AIM2: variants seen among roughly 807,000 people sequenced by gnomAD.
The protein encoded by AIM2 is interferon-inducible protein AIM2.
Under a neutral mutation model 27.7 loss-of-function variants are expected in AIM2, and 30 were observed. That is an observed-to-expected ratio of 1.08 (90% CI 0.81 to 1.47). The LOEUF is 1.47. Among genes scored for constraint, AIM2 ranks in the 40% most tolerant of loss-of-function variants. The pLI is 0.00. For missense variants in AIM2, 358 were observed against 411.3 expected (o/e 0.87, Z 1.12); for synonymous variants, 141 against 145.3 (o/e 0.97, Z 0.21).
chr1:159,064,554 G>A (rs1655993463), intron 4 of AIM2, among the ~76,000 whole-genome samples: 2 of 151,870 alleles, frequency 1.3e-5, no homozygotes, highest in African/African-American at 4.8e-5. Flanking sequence ...AACCTCCAAC[G>A]CCCTGGGTTC....
rs145118203 is a variant in AIM2 at position 159,064,233 on chromosome 1, A to G, written c.817-559T>C. On this transcript the variant is annotated intron_variant, in intron 4 of 5. Coordinates refer to ENST00000368130, the MANE Select transcript of AIM2 (RefSeq NM_004833.3). ...TTTCTGCTTTGAAACTAGCAGGTAT[A>G]TATCTAATAGATGTTAGCAAGTTCA... Among the ~76,000 whole-genome samples, 1,123 of 152,236 alleles carry G rather than the reference A, an allele frequency of 7.4e-3. 15 individuals carry two copies. Among genetic ancestry groups the G allele is most frequent in the African/African-American group, 0.026 (1,065 of 41,556 alleles).
rs145325521 is a variant in AIM2, at chr1:159,103,226, C to T, written c.-15-36897G>A. Among the ~76,000 whole-genome samples, 374 of 152,288 alleles carry T rather than the reference C, an allele frequency of 2.5e-3. 3 individuals carry two copies. Among genetic ancestry groups the T allele is most frequent in the African/African-American group, 8.5e-3 (354 of 41,556 alleles). On this transcript the variant is annotated intron_variant, in intron 1 of 2. Transcript: ENST00000368129. Reference sequence around the variant, plus strand: ...TGTCTCCTGACACCCTGTGAAGAAACGCCTCCACCATGATTGTAAGTTTTC... The same window carrying T: ...TGTCTCCTGACACCCTGTGAAGAAATGCCTCCACCATGATTGTAAGTTTTC...
At chr1:159,064,520 G>A (rs553462567) in intron 4 of AIM2, among the ~76,000 whole-genome samples, 1 of 152,172 alleles carries the variant, frequency 6.6e-6, no homozygotes, top group East Asian at 1.9e-4. Context: ...GCTGGAGTGC[G>A]ATGGCGCAAT....
At chr1:159,084,532 G>A (rs1396591186) in intron 1 of AIM2, among the ~76,000 whole-genome samples, 1 of 152,112 alleles carries the variant, frequency 6.6e-6, no homozygotes, top group Non-Finnish European at 1.5e-5. Flanking sequence ...AGCACTTTGG[G>A]AGGCCAAGGC....
At chr1:159,137,315 C>A (rs1440749482) in intron 1 of AIM2, among the ~76,000 whole-genome samples, 1 of 152,160 alleles carries the variant, frequency 6.6e-6, no homozygotes, top group Non-Finnish European at 1.5e-5. Flanking sequence ...GCATCTCTCA[C>A]AAAGAGGAAT....
At position 159,138,168 on chromosome 1, in the gene AIM2, G is replaced by C. The variant is rs74845364; in HGVS notation, c.-16+2263C>G. Among the ~76,000 whole-genome samples, 41 of 152,320 alleles carry C rather than the reference G, an allele frequency of 2.7e-4. No homozygotes were observed. The East Asian group carries it at 7.5e-3, about 28-fold the overall frequency. On this transcript the variant is annotated intron_variant, in intron 1 of 2. Transcript: ENST00000368129. ...AAGAAATAATGGACCTAACAAGGCA[G>C]AGTTGGATGTCATAGGGTTGAGAAC...
At chr1:159,124,325 T>C (rs1190453006) in intron 1 of AIM2, among the ~76,000 whole-genome samples, 1 of 152,248 alleles carries the variant, frequency 6.6e-6, no homozygotes, top group African/African-American at 2.4e-5. Context: ...AAAATGTTTT[T>C]TACATTCTCA....
At chr1:159,089,771 G>A (rs1258451066) in intron 1 of AIM2, among the ~76,000 whole-genome samples, 2 of 152,268 alleles carry the variant, frequency 1.3e-5, no homozygotes, top group African/African-American at 4.8e-5. Flanking sequence ...TTCCTACGAC[G>A]AAGTTATTCT....
rs1656093115 is a variant in AIM2, at chr1:159,066,328, G to T, written c.398C>A (p.Pro133His). Residue 133 changes from proline to histidine, a missense_variant and splice_region_variant, in exon 4 of 6, where the codon CCT becomes CAT. By Grantham distance (77) the Pro-to-His change is moderately conservative. Coordinates refer to ENST00000368130, the MANE Select transcript of AIM2 (RefSeq NM_004833.3). ...CTGGGCCACCATCTGTTTCTGTTCAGGCTGAAGACAAGAGAAGAAAGATAT... is the reference window on the plus strand; with the variant it reads ...CTGGGCCACCATCTGTTTCTGTTCATGCTGAAGACAAGAGAAGAAAGATAT... ...AAPKVSPHVK[P>H]EQKQMVAQQE... 1.9e-6 allele frequency: 3 copies of T among 1,604,416 alleles called. No homozygotes were observed. The African/African-American group carries it at 4.0e-5, about 22-fold the overall frequency.
At chr1:159,114,909 G>T (rs997905777) in intron 1 of AIM2, among the ~76,000 whole-genome samples, 4 of 152,192 alleles carry the variant, frequency 2.6e-5, no homozygotes, top group Admixed American at 6.5e-5. Context: ...GTTTGCAGAT[G>T]ACATGATTGT....
chr1:159,093,109 T>A (rs1001472531), intron 1 of AIM2, among the ~76,000 whole-genome samples: 1 of 152,042 alleles, frequency 6.6e-6, no homozygotes, highest in Non-Finnish European at 1.5e-5. Flanking sequence ...GCTGAAATCT[T>A]AACCCCATAC....
chr1:159,140,857 A>G (rs992611214), upstream of AIM2, among the ~76,000 whole-genome samples: 1 of 152,234 alleles, frequency 6.6e-6, no homozygotes, highest in Non-Finnish European at 1.5e-5. Context: ...TTATGGAAAT[A>G]ACATTCAGAT....
chr1:159,062,585 A>T lies in AIM2; in HGVS notation c.*107T>A, dbSNP rs934084497. The T allele has an allele frequency of 9.5e-7, 1 of 1,051,478 alleles. No individual in the cohort carries two copies. The allele number at this position is 1,051,478 out of a possible 1,614,324, so 65.1% of individuals were successfully genotyped here. ...ATTTGGTGGAGAGAGGAGCCTGTGA[A>T]CTGCAGCTTTCAGGTAACTTACAAT... On this transcript the variant is annotated 3_prime_UTR_variant, in exon 6 of 6. Transcript: ENST00000368130.
chr1:159,119,051 G>A (rs904786200), intron 1 of AIM2, among the ~76,000 whole-genome samples: 2 of 152,060 alleles, frequency 1.3e-5, no homozygotes, highest in Admixed American at 6.6e-5. Flanking sequence ...CCAGAACTCC[G>A]AATAAAGAAG....
At position 159,066,170 on chromosome 1, in the gene AIM2, C is replaced by T; in HGVS notation, c.556G>A (p.Glu186Lys). 1 of 1,614,156 alleles carries T rather than the reference C, an allele frequency of 6.2e-7. No homozygotes were observed. The highest frequency in any genetic ancestry group is 8.5e-7 in the Non-Finnish European group (1 of 1,180,010). The change falls in exon 4 of 6, where the codon GAA becomes AAA. Residue 186 changes from glutamate to lysine, a missense_variant. By Grantham distance (56) the Glu-to-Lys change is moderately conservative (BLOSUM62 1). Coordinates refer to ENST00000368130, the MANE Select transcript of AIM2 (RefSeq NM_004833.3). The part of the protein sequence containing the change: ...MFHATVATEK[E>K]FFFVKVFNTL... ...TTAAAAACTTTTACAAAGAAGAATTCCTTTTCTGTAGCCACTGTAGCATGA... is the reference window on the plus strand; with the variant it reads ...TTAAAAACTTTTACAAAGAAGAATTTCTTTTCTGTAGCCACTGTAGCATGA...
At chr1:159,091,335 T>C (rs16841668) in intron 1 of AIM2, among the ~76,000 whole-genome samples, 124 of 152,318 alleles carry the variant, frequency 8.1e-4, no homozygotes, top group African/African-American at 3.0e-3. Context: ...TTACAACCAC[T>C]GAAAAAATGC....
Position 159,073,262 on chromosome 1 carries a change from G to C in AIM2, c.238C>G (p.Arg80Gly), listed in dbSNP as rs778334486. The C allele has an allele frequency of 6.2e-7, 1 of 1,614,154 alleles. No homozygotes were observed. The highest frequency in any genetic ancestry group is 8.5e-7 in the Non-Finnish European group (1 of 1,180,020). Reference sequence around the variant, plus strand: ...CCTTTCTCCTTCTCCTCCTGAAGACGTTTTGCCAAAAGCATATAATTCAAC... The same window carrying C: ...CCTTTCTCCTTCTCCTCCTGAAGACCTTTTGCCAAAAGCATATAATTCAAC... ...QKLNYMLLAK[R>G]LQEEKEKVDK... Residue 80 changes from arginine (R) to glycine (G), a missense_variant, in exon 2 of 6, where the codon CGT becomes GGT. By Grantham distance (125) the Arg-to-Gly change is moderately radical (BLOSUM62 -2). Coordinates refer to ENST00000368130, the MANE Select transcript of AIM2 (RefSeq NM_004833.3).
At chr1:159,092,298 T>C (rs1169125044) in intron 1 of AIM2, among the ~76,000 whole-genome samples, 5 of 152,222 alleles carry the variant, frequency 3.3e-5, no homozygotes, top group African/African-American at 1.2e-4. Flanking sequence ...CTACATAATA[T>C]GTAGAAGATG....
chr1:159,090,443 C>T (rs766115245), intron 1 of AIM2, among the ~76,000 whole-genome samples: 3 of 152,318 alleles, frequency 2.0e-5, no homozygotes, highest in Middle Eastern at 3.4e-3. Flanking sequence ...CAGTCTCTCT[C>T]GCATACTGCT....
Sources: gnomAD v4.1 joint callset for allele counts (sites outside exome capture counted in the v4.1 genomes callset) on GRCh38, gnomAD v4.1.1 for gene constraint, MANE v1.5 for transcripts, NCBI Gene and HGNC (gene_info 2026-07-23, HGNC 2026-07-21) for gene names.